NUSAP1: variants seen among roughly 807,000 people sequenced by gnomAD.
NUSAP1 encodes nucleolar and spindle associated protein 1.
In NUSAP1, 32 loss-of-function variants were observed where a neutral mutation model predicts 52.8. The ratio of observed to expected loss-of-function variants is 0.61; its 90% CI spans 0.46 to 0.81. The LOEUF (loss-of-function observed/expected upper bound fraction) is 0.81, where lower values mean the gene tolerates loss of function less well. NUSAP1 is among the 40% of genes least tolerant of loss of function. The pLI is 0.00. For missense variants in NUSAP1, 499 were observed against 522.3 expected, an observed-to-expected ratio of 0.96 and a Z score of 0.43; for synonymous variants, 195 against 183.1, an observed-to-expected ratio of 1.06 and a Z score of -0.52.
chr15:41,363,375 CAT>C (rs200759144), intron 6 of NUSAP1, among the ~76,000 whole-genome samples: 8 of 148,542 alleles, frequency 5.4e-5, no homozygotes, highest in Non-Finnish European at 1.0e-4. Flanking sequence ...AAATTATATA[CAT>C]ATATATATAT....
At chr15:41,360,307 TTTTGTTTGTTTG>T (rs199646414) in intron 6 of NUSAP1, among the ~76,000 whole-genome samples, 1 of 148,860 alleles carries the variant, frequency 6.7e-6, no homozygotes, top group Non-Finnish European at 1.5e-5. Flanking sequence ...CCCGGCTAAT[TTTTGTTTGTTTG>T]TTTGTTTGTT....
chr15:41,334,816 G>A (rs759999026), intron 1 of NUSAP1, among the ~76,000 whole-genome samples: 4 of 152,114 alleles, frequency 2.6e-5, no homozygotes, highest in South Asian at 2.1e-4. Flanking sequence ...CCGAAGTCCT[G>A]GGATTACAGG....
intron 1 of NUSAP1, among the ~76,000 whole-genome samples, chr15:41,337,296 G>C (rs2048194427): frequency 6.6e-6 from 1 of 152,130 alleles, no homozygotes; most frequent in Non-Finnish European, 1.5e-5. Context: ...TGGGATTACA[G>C]GCGTGAGACC....
intron 3 of NUSAP1, among the ~76,000 whole-genome samples, chr15:41,349,727 A>G (rs1355654325): frequency 7.1e-6 from 1 of 139,926 alleles, no homozygotes; most frequent in Non-Finnish European, 1.6e-5. Context: ...TTCAAATGTA[A>G]TTTTTACAAA....
intron 1 of NUSAP1, among the ~76,000 whole-genome samples, chr15:41,337,381 T>C (rs2048198074): frequency 6.6e-6 from 1 of 152,196 alleles, no homozygotes; most frequent in African/African-American, 2.4e-5. Flanking sequence ...TTTGCCTGTC[T>C]AAGGGCAACC....
At chr15:41,353,512 A>T (rs2048852082) in intron 4 of NUSAP1, among the ~76,000 whole-genome samples, 1 of 152,190 alleles carries the variant, frequency 6.6e-6, no homozygotes, top group African/African-American at 2.4e-5. Flanking sequence ...AGCCCCTGCG[A>T]CCATTCCAAC....
At chr15:41,333,560 T>C (rs1203254169) in intron 1 of NUSAP1, among the ~76,000 whole-genome samples, 2 of 152,206 alleles carry the variant, frequency 1.3e-5, no homozygotes, top group East Asian at 1.9e-4. Flanking sequence ...TAAATTTTTA[T>C]TGATGACTGT....
intron 6 of NUSAP1, among the ~76,000 whole-genome samples, chr15:41,360,062 G>A (rs2049115383): frequency 6.7e-6 from 1 of 149,594 alleles, no homozygotes; most frequent in African/African-American, 2.5e-5. Flanking sequence ...GGATGCAGCA[G>A]ATTATTTTGC....
At chr15:41,371,864 A>G (rs142820424) in intron 8 of NUSAP1, among the ~76,000 whole-genome samples, 180 bp downstream of exon 8, 6,142 of 151,954 alleles carry the variant, frequency 0.04, 245 homozygotes, top group African/African-American at 0.1. Context: ...TCTGCCTCCC[A>G]GGTTCAAGCA....
rs751379348 is a variant in NUSAP1 at position 41,371,645 on chromosome 15, A to G, written c.967A>G (p.Thr323Ala). The G allele has an allele frequency of 6.3e-7, 1 of 1,598,616 alleles. No individual in the cohort carries two copies. The change falls in exon 8 of 11, where the codon ACA (threonine) becomes GCA (alanine). Residue 323 changes from threonine to alanine, a missense_variant. Thr to Ala is a moderately conservative substitution (Grantham distance 58, BLOSUM62 0). Transcript: ENST00000559596. ...GTPKGEAVLG[T>A]HKLKTITGNS... ...CCCAAAAGGCGAGGCTGTGCTTGGG[A>G]CACACAAATTAAAGACCATCACGGG...
At chr15:41,362,393 G>A (rs1241237615) in intron 6 of NUSAP1, among the ~76,000 whole-genome samples, 2 of 147,056 alleles carry the variant, frequency 1.4e-5, no homozygotes, top group African/African-American at 2.5e-5. Context: ...TATATTATCT[G>A]TTTTAAGTAC....
intron 2 of NUSAP1, among the ~76,000 whole-genome samples, chr15:41,348,627 G>A (rs539654975): frequency 1.3e-5 from 2 of 151,540 alleles, no homozygotes; most frequent in African/African-American, 4.9e-5. Context: ...ATCTATAAGG[G>A]TTTGTTTGTT....
At chr15:41,351,435 G>A (rs1052838335) in intron 4 of NUSAP1, among the ~76,000 whole-genome samples, 4 of 152,100 alleles carry the variant, frequency 2.6e-5, no homozygotes, top group East Asian at 3.9e-4. Flanking sequence ...CTCTGACAGC[G>A]CATGACATTC....
rs1168478743 is a variant in NUSAP1 at position 41,356,180 on chromosome 15, C to A, written c.550+40C>A. Reference sequence around the variant, plus strand: ...CAAAGCCATAATAAGTAATGGTTGCCCCACTTCGGAATGATGTTGGACTGT... The same window carrying A: ...CAAAGCCATAATAAGTAATGGTTGCACCACTTCGGAATGATGTTGGACTGT... On this transcript the variant is annotated intron_variant, in intron 5 of 10. Transcript: ENST00000559596. The A allele has an allele frequency of 4.3e-6, 5 of 1,158,300 alleles. No individual in the cohort carries two copies. In the Admixed American group the frequency reaches 5.8e-5, roughly 13 times the overall value. 71.8% of individuals were successfully genotyped at this position (1,158,300 alleles called of 1,614,324 possible).
chr15:41,349,481 A>G, intron 3 of NUSAP1: 2 of 393,568 alleles, frequency 5.1e-6, no homozygotes, highest in Non-Finnish European at 9.4e-6. Context: ...ATAAATATGA[A>G]CATTCATTGA....
intron 1 of NUSAP1, among the ~76,000 whole-genome samples, chr15:41,335,664 T>C (rs1323463819): frequency 7.1e-6 from 1 of 140,422 alleles, no homozygotes; most frequent in Non-Finnish European, 1.5e-5. Context: ...TATATAAATA[T>C]ACTAAATATA....
intron 1 of NUSAP1, among the ~76,000 whole-genome samples, chr15:41,336,189 C>T (rs2048122829): frequency 6.6e-6 from 1 of 151,396 alleles, no homozygotes; most frequent in Non-Finnish European, 1.5e-5. Context: ...TGCTTGAACC[C>T]AGGGAGGCAG....
chr15:41,358,698 C>T (rs1394328652), intron 6 of NUSAP1, among the ~76,000 whole-genome samples: 4 of 152,134 alleles, frequency 2.6e-5, no homozygotes, highest in African/African-American at 9.6e-5. Context: ...CGCGCCACTG[C>T]ACTCCAGCCT....
chr15:41,358,689 G>A (rs111947281), intron 6 of NUSAP1, among the ~76,000 whole-genome samples: 6,105 of 152,108 alleles, frequency 0.04, 240 homozygotes, highest in African/African-American at 0.1. Context: ...AGCTGAGATC[G>A]CGCCACTGCA....
Sources: allele counts gnomAD v4.1 joint callset (sites outside exome capture counted in the v4.1 genomes callset), GRCh38; gene constraint gnomAD v4.1.1; transcripts MANE v1.5; gene names NCBI Gene and HGNC (gene_info 2026-07-23, HGNC 2026-07-21).